GRM8: variants seen among roughly 807,000 people sequenced by gnomAD.
GRM8 encodes glutamate metabotropic receptor 8.
Under a neutral mutation model 87.2 loss-of-function variants are expected in GRM8, and 47 were observed. The ratio of observed to expected loss-of-function variants is 0.54; its 90% CI spans 0.43 to 0.69. The LOEUF (loss-of-function observed/expected upper bound fraction) is 0.69, where lower values mean the gene tolerates loss of function less well. Ranked by LOEUF, GRM8 falls within the 30% of genes least tolerant of loss-of-function variation. GRM8 has a pLI of 0.00. For synonymous variants in GRM8, 396 were observed against 404.5 expected (o/e 0.98, Z 0.25); for missense variants, 1,019 against 1,139.2 (o/e 0.89, Z 1.52).
intron 3 of GRM8, among the ~76,000 whole-genome samples, chr7:126,945,703 G>T (rs1404061305): frequency 1.3e-5 from 2 of 152,106 alleles, no homozygotes; most frequent in Non-Finnish European, 2.9e-5. Context: ...AAGCACTTCT[G>T]GTCCCAGGCA....
chr7:126,744,362 C>T (rs1815382123), intron 7 of GRM8, among the ~76,000 whole-genome samples: 1 of 152,044 alleles, frequency 6.6e-6, no homozygotes, highest in African/African-American at 2.4e-5. Flanking sequence ...ACAGAATTTT[C>T]TGCCAATGAT....
chr7:126,654,481 G>A (rs566125120), intron 7 of GRM8, among the ~76,000 whole-genome samples: 4 of 152,288 alleles, frequency 2.6e-5, no homozygotes, highest in East Asian at 1.9e-4. Flanking sequence ...TGAGGTAAGC[G>A]ACAACATTTG....
At chr7:127,114,149 T>C (rs917709115) in intron 2 of GRM8, among the ~76,000 whole-genome samples, 1 of 152,188 alleles carries the variant, frequency 6.6e-6, no homozygotes, top group Non-Finnish European at 1.5e-5. Flanking sequence ...TCGACAGTTA[T>C]TAAGATTCCT....
intron 3 of GRM8, among the ~76,000 whole-genome samples, chr7:127,005,441 A>T (rs568555806): frequency 6.6e-6 from 1 of 151,824 alleles, no homozygotes; most frequent in South Asian, 2.1e-4. Context: ...AGTACTAAAA[A>T]ATGAAAAATA....
At chr7:126,744,995 T>C (rs528797766) in intron 7 of GRM8, among the ~76,000 whole-genome samples, 1 of 152,046 alleles carries the variant, frequency 6.6e-6, no homozygotes, top group African/African-American at 2.4e-5. Flanking sequence ...ATGTAACTTA[T>C]TATTTTAAAA....
chr7:127,040,006 G>A (rs1818252540), intron 3 of GRM8, among the ~76,000 whole-genome samples: 1 of 60,280 alleles, frequency 1.7e-5, no homozygotes, highest in Admixed American at 1.6e-4. Flanking sequence ...GGGAGGGTGA[G>A]GAGGGAGGGG....
In GRM8 at chr7:126,523,385, A is replaced by G. The variant is rs562595771; in HGVS notation, c.2430+9567T>C. Among the ~76,000 whole-genome samples the G allele has an allele frequency of 1.7e-3, 259 of 152,234 alleles. 2 individuals are homozygous for G. Among genetic ancestry groups the G allele is most frequent in the African/African-American group, 6.1e-3 (254 of 41,544 alleles). On this transcript the variant is annotated intron_variant, in intron 9 of 10. Coordinates refer to ENST00000339582, the MANE Select transcript of GRM8 (RefSeq NM_000845.3). ...CCTGTTGTGTAAAGAATGTACTCAT[A>G]TCTCTTGAGTTACCAATTTTAGATA...
rs181193162 is a variant in GRM8 at position 126,460,521 on chromosome 7, C to T, written c.2431-14149G>A. ...GGTGGAGAAGGCTTTGACCAGTACT[C>T]ATAACTCTAGACCACAGACAAAAAG... is the stretch of plus-strand genomic sequence containing the variant. On this transcript the variant is annotated intron_variant, in intron 9 of 10. Transcript: ENST00000339582. Among the ~76,000 whole-genome samples, 14 of 151,702 alleles carry T rather than the reference C, an allele frequency of 9.2e-5. No homozygotes were observed. The East Asian group carries it at 2.5e-3, about 28-fold the overall frequency.
intron 7 of GRM8, among the ~76,000 whole-genome samples, chr7:126,664,365 T>C (rs1440821321): frequency 1.3e-5 from 2 of 152,042 alleles, no homozygotes; most frequent in Non-Finnish European, 2.9e-5. Context: ...CCAGGGGCAT[T>C]GCATTATTCA....
intron 3 of GRM8, among the ~76,000 whole-genome samples, chr7:127,041,053 T>C (rs541940885): frequency 3.7e-4 from 56 of 152,358 alleles, no homozygotes; most frequent in African/African-American, 1.2e-3. Context: ...TAGAGTTTTA[T>C]AGTGATTAAT....
chr7:127,247,554 T>A (rs968202039), intron 1 of GRM8, among the ~76,000 whole-genome samples: 1 of 152,168 alleles, frequency 6.6e-6, no homozygotes, highest in African/African-American at 2.4e-5. Flanking sequence ...TCATCTCCCA[T>A]GCTGCAATAT....
intron 3 of GRM8, among the ~76,000 whole-genome samples, chr7:126,915,635 A>C (rs1012550002): frequency 5.3e-5 from 8 of 152,316 alleles, no homozygotes; most frequent in Non-Finnish European, 1.0e-4. Context: ...ATGTCTAAGG[A>C]GACATGGGTA....
At chr7:126,821,513 G>A (rs1172247970) in intron 6 of GRM8, among the ~76,000 whole-genome samples, 1 of 152,126 alleles carries the variant, frequency 6.6e-6, no homozygotes, top group Non-Finnish European at 1.5e-5. Flanking sequence ...ACTTAGCATG[G>A]TCCCTGGCAT....
Position 126,617,738 on chromosome 7 carries a change from C to T in GRM8, c.1358-8240G>A, listed in dbSNP as rs182211349. Among the ~76,000 whole-genome samples, 1,294 of 152,230 alleles carry T rather than the reference C, an allele frequency of 8.5e-3. 9 individuals carry two copies. The highest frequency in any genetic ancestry group is 0.033 in the South Asian group (159 of 4,814). On this transcript the variant is annotated intron_variant, in intron 7 of 10. Transcript: ENST00000339582. ...AGCATTCTTATACACCAATAACAGACAAACAGAGAGCCAAATCATGAGTGA... is the reference window on the plus strand; with the variant it reads ...AGCATTCTTATACACCAATAACAGATAAACAGAGAGCCAAATCATGAGTGA...
At chr7:126,631,735 AC>A (rs1801287779) in intron 7 of GRM8, among the ~76,000 whole-genome samples, 1 of 152,186 alleles carries the variant, frequency 6.6e-6, no homozygotes, top group African/African-American at 2.4e-5. Flanking sequence ...CCACACATTT[AC>A]AACCATCTTA....
At chr7:126,467,565 C>A (rs1804647825) in intron 9 of GRM8, among the ~76,000 whole-genome samples, 1 of 151,872 alleles carries the variant, frequency 6.6e-6, no homozygotes, top group African/African-American at 2.4e-5. Context: ...GTTGCTTCCA[C>A]TATTTTATTT....
chr7:127,106,727 A>ACCCATCATTTGTT lies in GRM8; in HGVS notation c.511-16_511-15insAACAAATGATGGG. On this transcript the variant is annotated splice_polypyrimidine_tract_variant and intron_variant, in intron 2 of 10. Coordinates refer to ENST00000339582, the MANE Select transcript of GRM8 (RefSeq NM_000845.3). ...ATTTGAGGTATCTGCAAAACAAATG[A>ACCCATCATTTGTT]TGGGTCATTTCAACCCATGACGAAT... The ACCCATCATTTGTT allele has an allele frequency of 6.4e-7, 1 of 1,552,402 alleles. No individual in the cohort carries two copies. Among genetic ancestry groups the ACCCATCATTTGTT allele is most frequent in the Non-Finnish European group, 8.9e-7 (1 of 1,123,826 alleles).
chr7:126,907,598 A>G (rs933202734), intron 3 of GRM8, among the ~76,000 whole-genome samples: 1 of 152,070 alleles, frequency 6.6e-6, no homozygotes, highest in Non-Finnish European at 1.5e-5. Flanking sequence ...TAAGGGTCCA[A>G]TTGTGTGTGG....
At chr7:126,932,979 C>T (rs925031552) in intron 3 of GRM8, among the ~76,000 whole-genome samples, 2 of 152,104 alleles carry the variant, frequency 1.3e-5, no homozygotes, top group African/African-American at 4.8e-5. Flanking sequence ...AGAGAGCTGT[C>T]AGAGTTCTAG....
Sources: allele counts gnomAD v4.1 joint callset (sites outside exome capture counted in the v4.1 genomes callset), GRCh38; gene constraint gnomAD v4.1.1; transcripts MANE v1.5; gene names NCBI Gene and HGNC (gene_info 2026-07-23, HGNC 2026-07-21).